The following FSTL5 variants were observed in gnomAD, a reference collection of about 807,000 sequenced individuals.
FSTL5 encodes the protein follistatin-related protein 5.
FSTL5 carries 62 observed loss-of-function variants against 89.1 expected under a neutral mutation model. That is an observed-to-expected ratio of 0.70 (90% CI 0.57 to 0.86). The LOEUF is 0.86. Ranked by LOEUF, FSTL5 falls within the 40% of genes least tolerant of loss-of-function variation. The probability of loss-of-function intolerance (pLI) is 0.00; values close to 1 mark genes in which losing one functional copy is unlikely to be tolerated. For synonymous variants in FSTL5, 383 were observed against 346.2 expected, an observed-to-expected ratio of 1.11 and a Z score of -1.18; for missense variants, 1,057 against 1,001.6, an observed-to-expected ratio of 1.06 and a Z score of -0.75.
intron 4 of FSTL5, among the ~76,000 whole-genome samples, chr4:161,898,436 A>T (rs936559406): frequency 6.6e-6 from 1 of 152,036 alleles, no homozygotes; most frequent in East Asian, 1.9e-4. Context: ...ATATGGTAAG[A>T]TTACGCTTAG....
chr4:162,012,199 C>T (rs1736789399), intron 3 of FSTL5, among the ~76,000 whole-genome samples: 1 of 152,138 alleles, frequency 6.6e-6, no homozygotes, highest in Non-Finnish European at 1.5e-5. Flanking sequence ...TGTATCCCTA[C>T]AGGGTAACAG....
rs202160962 is a variant in FSTL5 at position 161,656,437 on chromosome 4, A to G, written c.785T>C (p.Val262Ala). The change falls in exon 7 of 16, where the codon GTG (valine) becomes GCG (alanine). Residue 262 changes from valine (V) to alanine (A), a missense_variant. Physicochemically the swap from Val to Ala is moderately conservative, Grantham distance 64 (BLOSUM62 0). Coordinates refer to ENST00000306100, the MANE Select transcript of FSTL5 (RefSeq NM_020116.5). The part of the protein sequence containing the change: ...DQKLSITAAT[V>A]GQSAVLSCAI... Reference sequence around the variant, plus strand: ...ACAGCTCAGAACAGCACTTTGTCCCACAGTTGCTGCAGTGATGCTTAGTTT... The same window carrying G: ...ACAGCTCAGAACAGCACTTTGTCCCGCAGTTGCTGCAGTGATGCTTAGTTT... 27 of 1,609,964 alleles carry G rather than the reference A, an allele frequency of 1.7e-5. No individual in the cohort carries two copies. The East Asian group carries it at 5.4e-4, about 32-fold the overall frequency.
chr4:161,925,758 A>G lies in FSTL5; in HGVS notation c.161-5106T>C, dbSNP rs1236276550. Among the ~76,000 whole-genome samples, 12 of 149,548 alleles carry G rather than the reference A, an allele frequency of 8.0e-5. No homozygotes were observed. The South Asian group carries it at 2.6e-3, about 32-fold the overall frequency. ...AGAACATATTGACTTAGAATCATTG[A>G]ATTAAATAGATAACTGCCCTCTACA... On this transcript the variant is annotated intron_variant, in intron 3 of 15. Transcript: ENST00000306100.
At chr4:161,944,233 G>A (rs1019748665) in intron 3 of FSTL5, among the ~76,000 whole-genome samples, 2 of 151,942 alleles carry the variant, frequency 1.3e-5, no homozygotes, top group East Asian at 3.9e-4. Flanking sequence ...GAAGATTCTA[G>A]CATTTAAATA....
chr4:161,776,140 GT>G, intron 4 of FSTL5, 66 bp from the exon 5 acceptor site: 1 of 820,764 alleles, frequency 1.2e-6, no homozygotes, highest in Non-Finnish European at 1.8e-6. Flanking sequence ...TTTAATTAAG[GT>G]TTAGAAGTTA....
chr4:161,416,343 T>C (rs1731779286), intron 15 of FSTL5, among the ~76,000 whole-genome samples: 1 of 152,026 alleles, frequency 6.6e-6, no homozygotes, highest in Admixed American at 6.5e-5. Context: ...CATTAACAAC[T>C]TTAAAATAGT....
chr4:162,082,669 CATTT>C (rs953220513), intron 2 of FSTL5, among the ~76,000 whole-genome samples: 3 of 151,362 alleles, frequency 2.0e-5, no homozygotes, highest in African/African-American at 7.3e-5. Context: ...AAAGTTACTG[CATTT>C]ATAACCTCTA....
chr4:161,946,122 G>A (rs1560930154), intron 3 of FSTL5, among the ~76,000 whole-genome samples: 2 of 152,016 alleles, frequency 1.3e-5, no homozygotes, highest in Non-Finnish European at 2.9e-5. Flanking sequence ...GCAATATAAA[G>A]TAACCATATT....
chr4:161,416,251 T>C (rs1731775750), intron 15 of FSTL5, among the ~76,000 whole-genome samples: 3 of 152,332 alleles, frequency 2.0e-5, no homozygotes, highest in African/African-American at 4.8e-5. Context: ...CAGATTGCCA[T>C]GGCTCATCAG....
chr4:161,595,008 G>C (rs1163390235), intron 7 of FSTL5, among the ~76,000 whole-genome samples: 4 of 149,772 alleles, frequency 2.7e-5, no homozygotes, highest in Non-Finnish European at 4.4e-5. Flanking sequence ...AAGGTGAGGG[G>C]TCTCAGATTA....
chr4:161,860,213 G>T (rs902014704), intron 4 of FSTL5, among the ~76,000 whole-genome samples: 3 of 151,958 alleles, frequency 2.0e-5, no homozygotes, highest in Admixed American at 1.3e-4. Flanking sequence ...GCGTGAACCC[G>T]GGAGGCGGAG....
At chr4:161,863,597 A>T (rs939940322) in intron 4 of FSTL5, among the ~76,000 whole-genome samples, 1 of 152,166 alleles carries the variant, frequency 6.6e-6, no homozygotes, top group Admixed American at 6.5e-5. Flanking sequence ...AGCATAAAAG[A>T]GTTTGCCTTT....
intron 2 of FSTL5, among the ~76,000 whole-genome samples, chr4:162,056,012 C>A (rs1334800129): frequency 4.0e-5 from 6 of 151,726 alleles, no homozygotes; most frequent in African/African-American, 1.2e-4. Context: ...ATATATGCTT[C>A]TATATAACCA....
At chr4:161,759,101 C>G (rs1317420854) in intron 6 of FSTL5, among the ~76,000 whole-genome samples, 1 of 152,130 alleles carries the variant, frequency 6.6e-6, no homozygotes. Flanking sequence ...TACATGGTGA[C>G]AACTAGTCAA....
At chr4:161,428,343 G>A (rs1192068726) in intron 15 of FSTL5, among the ~76,000 whole-genome samples, 3 of 152,228 alleles carry the variant, frequency 2.0e-5, no homozygotes, top group Non-Finnish European at 2.9e-5. Flanking sequence ...TGGGCTCAGA[G>A]CCAGCAGAAT....
At chr4:161,708,842 T>C (rs188152641) in intron 6 of FSTL5, among the ~76,000 whole-genome samples, 57 of 152,276 alleles carry the variant, frequency 3.7e-4, no homozygotes, top group South Asian at 1.0e-3. Flanking sequence ...ATGTTTGGGG[T>C]ATTTATTCTA....
At chr4:162,013,613 A>T (rs1050873225) in intron 3 of FSTL5, among the ~76,000 whole-genome samples, 1 of 152,132 alleles carries the variant, frequency 6.6e-6, no homozygotes, top group African/African-American at 2.4e-5. Context: ...TTCTAAGATT[A>T]TTCTTCTCTG....
chr4:162,062,158 A>G (rs993264236), intron 2 of FSTL5, among the ~76,000 whole-genome samples: 1 of 151,854 alleles, frequency 6.6e-6, no homozygotes, highest in African/African-American at 2.4e-5. Context: ...AATATTTCTG[A>G]TTAGCAACAT....
intron 3 of FSTL5, among the ~76,000 whole-genome samples, chr4:161,987,565 GAAAT>G (rs1736000928): frequency 6.9e-6 from 1 of 145,842 alleles, no homozygotes; most frequent in South Asian, 2.1e-4. Flanking sequence ...ATACTTTATT[GAAAT>G]ATATATAAAG....
Sources: allele counts gnomAD v4.1 joint callset (sites outside exome capture counted in the v4.1 genomes callset), GRCh38; gene constraint gnomAD v4.1.1; transcripts MANE v1.5; gene names NCBI Gene and HGNC (gene_info 2026-07-23, HGNC 2026-07-21).